The following DLG2 variants were observed in gnomAD, a reference collection of about 807,000 sequenced individuals.
DLG2 encodes the protein discs large MAGUK scaffold protein 2.
In DLG2, 45 loss-of-function variants were observed where a neutral mutation model predicts 132.5. That is an observed-to-expected ratio of 0.34 (90% CI 0.27 to 0.44). The LOEUF is 0.44. DLG2 is among the 20% of genes least tolerant of loss of function. The pLI is 1.00. For synonymous variants in DLG2, 424 were observed against 419.6 expected (o/e 1.01, Z -0.13); for missense variants, 1,045 against 1,196.9 (o/e 0.87, Z 1.87).
At chr11:84,869,792 G>T (rs568289569) in intron 6 of DLG2, among the ~76,000 whole-genome samples, 10 of 152,312 alleles carry the variant, frequency 6.6e-5, no homozygotes, top group African/African-American at 2.4e-4. Flanking sequence ...GGTAGAGGAC[G>T]AATAGGCAGT....
intron 3 of DLG2, among the ~76,000 whole-genome samples, chr11:85,571,452 C>G (rs891333600): frequency 6.6e-6 from 1 of 152,122 alleles, no homozygotes; most frequent in East Asian, 1.9e-4. Context: ...CCTGTCTTTG[C>G]AGAAAAACTC....
rs371263007 is a variant in DLG2, at chr11:85,220,637, A to AAAAATATATATAT, written c.186+64582_186+64583insATATATATATTTT. On this transcript the variant is annotated intron_variant, in intron 4 of 27. Coordinates refer to ENST00000376104, the MANE Select transcript of DLG2 (RefSeq NM_001142699.3). ...GTTTATTATATCAAATAGAAAAAAA[A>AAAAATATATATAT]ATATATATATATATATAACTTTATT... Among the ~76,000 whole-genome samples, 533 of 148,236 alleles carry AAAAATATATATAT rather than the reference A, an allele frequency of 3.6e-3. 1 individual carries two copies. Among genetic ancestry groups the AAAAATATATATAT allele is most frequent in the African/African-American group, 0.012 (504 of 40,334 alleles).
At chr11:84,361,584 A>T (rs2098649984) in intron 7 of DLG2, among the ~76,000 whole-genome samples, 1 of 152,034 alleles carries the variant, frequency 6.6e-6, no homozygotes, top group Non-Finnish European at 1.5e-5. Flanking sequence ...ATAACGACAG[A>T]GGAAACGTAT....
intron 18 of DLG2, among the ~76,000 whole-genome samples, chr11:83,762,387 C>G (rs1321260770): frequency 6.6e-6 from 1 of 152,172 alleles, no homozygotes; most frequent in African/African-American, 2.4e-5. Context: ...GTTACAATGG[C>G]TTTCCAATTA....
chr11:84,652,784 C>A (rs923529693), intron 6 of DLG2, among the ~76,000 whole-genome samples: 5 of 152,020 alleles, frequency 3.3e-5, no homozygotes, highest in Non-Finnish European at 7.4e-5. Flanking sequence ...GAAAATTAAA[C>A]CTTAAGTTAT....
chr11:84,588,603 T>C (rs2154530203), intron 6 of DLG2, among the ~76,000 whole-genome samples: 1 of 152,168 alleles, frequency 6.6e-6, no homozygotes, highest in South Asian at 2.1e-4. Flanking sequence ...CTGGCTAAAA[T>C]GAGGCTAAGA....
intron 4 of DLG2, among the ~76,000 whole-genome samples, chr11:85,237,094 C>G (rs1159684292): frequency 6.6e-6 from 1 of 152,050 alleles, no homozygotes; most frequent in East Asian, 1.9e-4. Context: ...CACTGCCCAG[C>G]CAGCACCTGA....
intron 6 of DLG2, among the ~76,000 whole-genome samples, chr11:84,907,621 G>A (rs924757387): frequency 1.3e-5 from 2 of 152,164 alleles, no homozygotes; most frequent in Non-Finnish European, 2.9e-5. Context: ...GCCTGGGATA[G>A]GAGGGATCCA....
At position 85,611,587 on chromosome 11, in the gene DLG2, G is replaced by A. The variant is rs542784922; in HGVS notation, c.-92-12799C>T. 4.6e-5 allele frequency among the ~76,000 whole-genome samples: 7 copies of A among 152,370 alleles called. No individual in the cohort carries two copies. In the South Asian group the frequency reaches 1.5e-3, roughly 32 times the overall value. On this transcript the variant is annotated intron_variant, in intron 2 of 27. Transcript: ENST00000376104. ...GTTAATGATGTAACCGTACTTGAAAGTAAACCTCTTCCCCCAGGGACCAGT... is the reference window on the plus strand; with the variant it reads ...GTTAATGATGTAACCGTACTTGAAAATAAACCTCTTCCCCCAGGGACCAGT...
chr11:84,492,843 C>T (rs183549825), intron 7 of DLG2, among the ~76,000 whole-genome samples: 1 of 152,050 alleles, frequency 6.6e-6, no homozygotes, highest in Admixed American at 6.6e-5. Flanking sequence ...CACTTAAGTT[C>T]CAATAGACAG....
At chr11:84,072,703 T>C (rs1477890918) in intron 10 of DLG2, among the ~76,000 whole-genome samples, 8 of 152,232 alleles carry the variant, frequency 5.3e-5, no homozygotes, top group Non-Finnish European at 1.0e-4. Context: ...TTAAAGGCAC[T>C]GGAAAGCCAT....
intron 11 of DLG2, among the ~76,000 whole-genome samples, chr11:84,022,246 C>A (rs71469611): frequency 0.022 from 3,365 of 152,204 alleles, 67 homozygotes; most frequent in Middle Eastern, 0.034. Context: ...TTTCTCTGAC[C>A]CCAAAACACC....
intron 6 of DLG2, among the ~76,000 whole-genome samples, chr11:84,570,334 T>C (rs757694260): frequency 4.8e-4 from 73 of 152,286 alleles, no homozygotes; most frequent in Non-Finnish European, 6.3e-4. Flanking sequence ...GGTCCTCCTG[T>C]CTTCCTTTCA....
At chr11:85,143,218 T>C (rs2076610094) in intron 5 of DLG2, among the ~76,000 whole-genome samples, 1 of 151,778 alleles carries the variant, frequency 6.6e-6, no homozygotes, top group African/African-American at 2.4e-5. Flanking sequence ...ATGACTTCTG[T>C]CTCATTACTT....
chr11:85,112,522 TC>T, intron 5 of DLG2, among the ~76,000 whole-genome samples: 1 of 152,212 alleles, frequency 6.6e-6, no homozygotes, highest in South Asian at 2.1e-4. Flanking sequence ...TTTATTTTTT[TC>T]ATTGTATTCT....
At chr11:85,464,482 AC>A (rs2092717468) in intron 3 of DLG2, among the ~76,000 whole-genome samples, 1 of 151,924 alleles carries the variant, frequency 6.6e-6, no homozygotes, top group Admixed American at 6.6e-5. Flanking sequence ...AGCTTAGTCC[AC>A]CTCTGGGTGG....
intron 6 of DLG2, among the ~76,000 whole-genome samples, chr11:84,662,189 CT>C (rs1191006822): frequency 0.15 from 17,987 of 120,656 alleles, 1,087 homozygotes; most frequent in African/African-American, 0.26. Flanking sequence ...CTTTGTAAAT[CT>C]TTTTTTTTTT....
At chr11:85,616,062 T>A (rs192094840) in intron 2 of DLG2, among the ~76,000 whole-genome samples, 3 of 152,284 alleles carry the variant, frequency 2.0e-5, no homozygotes. Context: ...ACAGGAAAAA[T>A]TTGAAGCTCT....
intron 3 of DLG2, among the ~76,000 whole-genome samples, chr11:85,469,025 T>C (rs2092900256): frequency 6.6e-6 from 1 of 152,226 alleles, no homozygotes. Flanking sequence ...ATTCAATATA[T>C]GTTTATTGAG....
Sources: gnomAD v4.1 joint callset for allele counts (sites outside exome capture counted in the v4.1 genomes callset) on GRCh38, gnomAD v4.1.1 for gene constraint, MANE v1.5 for transcripts, NCBI Gene and HGNC (gene_info 2026-07-23, HGNC 2026-07-21) for gene names.